Variants in TMIGD3 observed in about 807,000 individuals in gnomAD.
TMIGD3 encodes the protein transmembrane and immunoglobulin domain containing 3, also known as AD026 protein (AD026).
In TMIGD3, 21 loss-of-function variants were observed where a neutral mutation model predicts 28.1. The ratio of observed to expected loss-of-function variants is 0.75; its 90% CI spans 0.53 to 1.08. The LOEUF (loss-of-function observed/expected upper bound fraction) is 1.08, where lower values mean the gene tolerates loss of function less well. Among genes scored for constraint, TMIGD3 ranks in the 50% least tolerant of loss-of-function variants. The pLI is 0.00. For synonymous variants in TMIGD3, 151 were observed against 162.1 expected, an observed-to-expected ratio of 0.93 and a Z score of 0.52; for missense variants, 416 against 435.6, an observed-to-expected ratio of 0.96 and a Z score of 0.40.
chr1:111,506,273 G>A (rs1157034619), upstream of TMIGD3, among the ~76,000 whole-genome samples: 1 of 152,198 alleles, frequency 6.6e-6, no homozygotes, highest in Non-Finnish European at 1.5e-5. Flanking sequence ...CATTTTTGAT[G>A]AATGAATAGG....
At chr1:111,509,090 G>C (rs142986972) in intron 1 of TMIGD3, among the ~76,000 whole-genome samples, 20 of 152,196 alleles carry the variant, frequency 1.3e-4, no homozygotes, top group South Asian at 4.1e-4. Flanking sequence ...GCGAGACTCC[G>C]TCTCAAACAA....
intron 1 of TMIGD3, among the ~76,000 whole-genome samples, chr1:111,549,879 C>T (rs994583726): frequency 2.6e-5 from 4 of 152,122 alleles, no homozygotes; most frequent in African/African-American, 9.7e-5. Context: ...CCTTAAACTC[C>T]TAGCCTCAAG....
upstream of TMIGD3, among the ~76,000 whole-genome samples, chr1:111,506,897 A>AAT (rs370686831): frequency 0.14 from 18,880 of 130,750 alleles, 1,353 homozygotes; most frequent in East Asian, 0.2. Context: ...AAAAACAAAA[A>AAT]ATATATATAT....
chr1:111,518,710 C>T (rs1655949508), intron 1 of TMIGD3, among the ~76,000 whole-genome samples: 1 of 152,194 alleles, frequency 6.6e-6, no homozygotes, highest in Non-Finnish European at 1.5e-5. Flanking sequence ...CTCCTAGTTC[C>T]TAAATAAGGA....
At chr1:111,514,667 C>CACAT (rs765083774) in intron 1 of TMIGD3, among the ~76,000 whole-genome samples, 146 of 151,792 alleles carry the variant, frequency 9.6e-4, no homozygotes, top group Non-Finnish European at 1.8e-3. Flanking sequence ...CACACACACA[C>CACAT]ATCATACCAT....
chr1:111,507,008 T>C (rs758835304), upstream of TMIGD3, among the ~76,000 whole-genome samples: 247 of 45,826 alleles, frequency 5.4e-3, no homozygotes, highest in Admixed American at 0.011. Flanking sequence ...TACACACACA[T>C]ATGTGTGTGT....
intron 1 of TMIGD3, among the ~76,000 whole-genome samples, chr1:111,561,681 A>AT (rs1657744654): frequency 6.6e-6 from 1 of 151,750 alleles, no homozygotes; most frequent in South Asian, 2.1e-4. Flanking sequence ...ATTTTTTGTA[A>AT]TTTTTCCTTC....
intron 1 of TMIGD3, among the ~76,000 whole-genome samples, chr1:111,509,168 G>T (rs527478043): frequency 1.3e-5 from 2 of 152,132 alleles, no homozygotes; most frequent in African/African-American, 2.4e-5. Context: ...GATGAGAATG[G>T]GGAAGACCAG....
Position 111,514,617 on chromosome 1 carries a change from GTA to G in TMIGD3, c.108-23857_108-23856del, listed in dbSNP as rs1461097481. On this transcript the variant is annotated intron_variant, in intron 1 of 5. Transcript: ENST00000369717. ...CAGAACCGCCATTACCTTACTGCTAGTATATGAGTGTGCATACAGTATGGGAA... is the reference window on the plus strand; with the variant it reads ...CAGAACCGCCATTACCTTACTGCTAGTATGAGTGTGCATACAGTATGGGAA... Among the ~76,000 whole-genome samples the G allele has an allele frequency of 2.1e-5, 3 of 141,054 alleles. No homozygotes were observed. In the East Asian group the frequency reaches 6.4e-4, roughly 30 times the overall value. 92.5% of individuals were successfully genotyped at this position (141,054 alleles called of 152,430 possible).
In TMIGD3 at chr1:111,503,424, C is replaced by G; in HGVS notation, c.-70G>C. ...AGATCCGTCTGTAGGGCCAGTGGGC[C>G]TAGCTCTCGCCAGACGTCTTCCCAG... On this transcript the variant is annotated 5_prime_UTR_variant, in exon 1 of 6. An upstream open reading frame in the 5' UTR loses its in-frame stop. Coordinates refer to ENST00000369716, the MANE Select transcript of TMIGD3 (RefSeq NM_020683.7). 1 of 1,518,030 alleles carries G rather than the reference C, an allele frequency of 6.6e-7. No homozygotes were observed. Among genetic ancestry groups the G allele is most frequent in the Non-Finnish European group, 8.9e-7 (1 of 1,127,568 alleles). 94.0% of individuals were successfully genotyped at this position (1,518,030 alleles called of 1,614,324 possible).
intron 1 of TMIGD3, among the ~76,000 whole-genome samples, chr1:111,558,948 A>G (rs1214930069): frequency 6.6e-6 from 1 of 152,212 alleles, no homozygotes; most frequent in Non-Finnish European, 1.5e-5. Flanking sequence ...TTTTATAAAA[A>G]TCAAGCATAT....
At chr1:111,509,827 A>G (rs770524767) in intron 1 of TMIGD3, among the ~76,000 whole-genome samples, 1 of 152,236 alleles carries the variant, frequency 6.6e-6, no homozygotes, top group African/African-American at 2.4e-5. Flanking sequence ...TCACAATTCT[A>G]TATCAGTCCT....
intron 1 of TMIGD3, among the ~76,000 whole-genome samples, chr1:111,529,902 C>T (rs1470778392): frequency 5.1e-4 from 76 of 148,108 alleles, no homozygotes; most frequent in East Asian, 1.4e-3. Context: ...CCAGACGGGG[C>T]GGCTGGCCGG....
In TMIGD3 at chr1:111,502,994, C is replaced by A. The variant is rs762691140; in HGVS notation, c.350+11G>T. 36 of 1,611,338 alleles carry A rather than the reference C, an allele frequency of 2.2e-5. No individual in the cohort carries two copies. Among genetic ancestry groups the A allele is most frequent in the Non-Finnish European group, 2.5e-5 (29 of 1,178,004 alleles). On this transcript the variant is annotated intron_variant, in intron 1 of 5. Transcript: ENST00000369716. ...TGCCTCAATTGCTGCCCACCCCACG[C>A]CGCAGGCTACCTGACGGTAAGCTTG...
chr1:111,525,421 C>T lies in TMIGD3; in HGVS notation c.108-34659G>A, dbSNP rs142300113. Among the ~76,000 whole-genome samples, 607 of 152,310 alleles carry T rather than the reference C, an allele frequency of 4.0e-3. 5 individuals are homozygous for T. The highest frequency in any genetic ancestry group is 0.011 in the African/African-American group (452 of 41,572). ...TGTCCTTTTTATTGCTATGAAATTA[C>T]TCTCCTTATCCCTAGTAATATTCTT... On this transcript the variant is annotated intron_variant, in intron 1 of 5. Transcript: ENST00000369717.
At chr1:111,491,863 A>G (rs930087835) in intron 1 of TMIGD3, among the ~76,000 whole-genome samples, 1 of 152,220 alleles carries the variant, frequency 6.6e-6, no homozygotes. Flanking sequence ...TATTCAATTT[A>G]TTTTTTGAGA....
In TMIGD3 at chr1:111,529,582, G is replaced by A. The variant is rs1656381112; in HGVS notation, c.107+34264C>T. Among the ~76,000 whole-genome samples the A allele has an allele frequency of 3.3e-5, 5 of 149,546 alleles. No homozygotes were observed. The South Asian group carries it at 1.1e-3, about 32-fold the overall frequency. ...AGTGGTGATGACTCTTAAGGAGCATGCTGCCTTCAAGCATCTGTTTAACAA... is the reference window on the plus strand; with the variant it reads ...AGTGGTGATGACTCTTAAGGAGCATACTGCCTTCAAGCATCTGTTTAACAA... On this transcript the variant is annotated intron_variant, in intron 1 of 5. Coordinates refer to the TMIGD3 transcript ENST00000369717.
intron 1 of TMIGD3, among the ~76,000 whole-genome samples, chr1:111,549,945 G>A (rs1448015440): frequency 6.6e-6 from 1 of 152,118 alleles, no homozygotes; most frequent in African/African-American, 2.4e-5. Context: ...GAGCACCACA[G>A]CCAGCCTTGT....
At chr1:111,495,640 A>G (rs1654855301) in intron 1 of TMIGD3, among the ~76,000 whole-genome samples, 1 of 152,222 alleles carries the variant, frequency 6.6e-6, no homozygotes, top group South Asian at 2.1e-4. Flanking sequence ...AAACAGAACT[A>G]TCATTCAACC....
Sources: allele counts gnomAD v4.1 joint callset (sites outside exome capture counted in the v4.1 genomes callset), GRCh38; gene constraint gnomAD v4.1.1; transcripts MANE v1.5; gene names NCBI Gene and HGNC (gene_info 2026-07-23, HGNC 2026-07-21).